The following CCDC170 variants were observed in gnomAD, a reference collection of about 807,000 sequenced individuals.
CCDC170 encodes the protein coiled-coil domain-containing protein 170.
CCDC170 carries 69 observed loss-of-function variants against 72.6 expected under a neutral mutation model. The observed-to-expected ratio is 0.95, with a 90% confidence interval of 0.78 to 1.16. CCDC170 has a LOEUF of 1.16. Among genes scored for constraint, CCDC170 ranks in the 50% most tolerant of loss-of-function variants. The pLI is 0.00. For synonymous variants in CCDC170, 300 were observed against 303.9 expected, an observed-to-expected ratio of 0.99 and a Z score of 0.13; for missense variants, 852 against 832.5, an observed-to-expected ratio of 1.02 and a Z score of -0.29.
At chr6:151,554,832 A>C (rs1043226639) in intron 5 of CCDC170, among the ~76,000 whole-genome samples, 3 of 145,530 alleles carry the variant, frequency 2.1e-5, no homozygotes, top group African/African-American at 7.7e-5. Context: ...TCATTCGGCT[A>C]TGTGATTGCA....
At position 151,544,653 on chromosome 6, in the gene CCDC170, G is replaced by A; in HGVS notation, c.525G>A (p.Leu175=). ...AACATGAGGAATTTCTGACTCAACT[G>A]CGTGACTGCTTGGATCCAGATGAGA... The part of the protein sequence containing the change: ...CRKHEEFLTQ[L]RDCLDPDERN... The change falls in exon 4 of 11, where the codon CTG becomes CTA. Residue 175 remains leucine, a synonymous_variant. Coordinates refer to ENST00000239374, the MANE Select transcript of CCDC170 (RefSeq NM_025059.4). 1 of 1,613,754 alleles carries A rather than the reference G, an allele frequency of 6.2e-7. No individual in the cohort carries two copies. Among genetic ancestry groups the A allele is most frequent in the Non-Finnish European group, 8.5e-7 (1 of 1,179,718 alleles).
intron 1 of CCDC170, among the ~76,000 whole-genome samples, chr6:151,506,408 A>T (rs1282564051): frequency 6.6e-6 from 1 of 152,230 alleles, no homozygotes; most frequent in African/African-American, 2.4e-5. Context: ...TTGAGTAGAG[A>T]TCAATGCCTG....
chr6:151,514,551 G>T (rs1304144742), intron 1 of CCDC170, among the ~76,000 whole-genome samples: 1 of 152,172 alleles, frequency 6.6e-6, no homozygotes, highest in East Asian at 1.9e-4. Flanking sequence ...AAGCTCTGTG[G>T]CATGCCGAGA....
intron 1 of CCDC170, among the ~76,000 whole-genome samples, chr6:151,512,879 G>A (rs140369062): frequency 2.6e-5 from 4 of 152,232 alleles, no homozygotes; most frequent in African/African-American, 9.6e-5. Context: ...CCTCTTAAAG[G>A]GCATATAGAA....
At chr6:151,593,382 G>A in intron 8 of CCDC170, 102 bp downstream of exon 8, 2 of 1,219,996 alleles carry the variant, frequency 1.6e-6, no homozygotes, top group Non-Finnish European at 1.1e-6. Flanking sequence ...GTGTAGCTAG[G>A]AAGGCTCTTA....
At chr6:151,520,101 G>T (rs895688112) in intron 1 of CCDC170, among the ~76,000 whole-genome samples, 22 of 152,226 alleles carry the variant, frequency 1.4e-4, no homozygotes, top group Non-Finnish European at 3.2e-4. Context: ...TGGTTCCAAT[G>T]CCTCTGACAC....
chr6:151,528,284 ATTGT>A (rs901045460), intron 1 of CCDC170, among the ~76,000 whole-genome samples: 41 of 152,296 alleles, frequency 2.7e-4, no homozygotes, highest in African/African-American at 9.9e-4. Flanking sequence ...TTAAGGGAAG[ATTGT>A]TTGATACAGG....
intron 5 of CCDC170, among the ~76,000 whole-genome samples, chr6:151,563,588 G>A (rs917997892): frequency 1.3e-5 from 2 of 152,086 alleles, no homozygotes; most frequent in African/African-American, 4.8e-5. Flanking sequence ...CCTGGGCAGG[G>A]CTGTTTCCCA....
intron 9 of CCDC170, among the ~76,000 whole-genome samples, chr6:151,610,112 G>A (rs1239844189): frequency 6.6e-6 from 1 of 152,172 alleles, no homozygotes; most frequent in Non-Finnish European, 1.5e-5. Context: ...CAGTGAGATA[G>A]TTTGTAAGTG....
In CCDC170 at chr6:151,536,870, G is replaced by A. The variant is rs546428513; in HGVS notation, c.186+424G>A. Among the ~76,000 whole-genome samples, 3 of 151,828 alleles carry A rather than the reference G, an allele frequency of 2.0e-5. No individual in the cohort carries two copies. In the East Asian group the frequency reaches 5.8e-4, roughly 29 times the overall value. Reference sequence around the variant, plus strand: ...GTGGGATATAGATTTAAGGCTTTTGGCAAAGTTGAAACTTGTTCTCTTGTG... The same window carrying A: ...GTGGGATATAGATTTAAGGCTTTTGACAAAGTTGAAACTTGTTCTCTTGTG... On this transcript the variant is annotated intron_variant, in intron 2 of 10. Coordinates refer to ENST00000239374, the MANE Select transcript of CCDC170 (RefSeq NM_025059.4).
intron 1 of CCDC170, among the ~76,000 whole-genome samples, chr6:151,533,309 C>A (rs529739567): frequency 5.1e-4 from 77 of 151,984 alleles, no homozygotes; most frequent in African/African-American, 1.6e-3. Flanking sequence ...CCGCCTTGGC[C>A]TCCCAAAGTG....
At chr6:151,499,928 G>A (rs1165981293) in intron 1 of CCDC170, among the ~76,000 whole-genome samples, 2 of 152,108 alleles carry the variant, frequency 1.3e-5, no homozygotes, top group Non-Finnish European at 2.9e-5. Context: ...ATATCTCTGT[G>A]AGACCCTGCT....
chr6:151,574,421 C>G (rs1337235089), intron 6 of CCDC170, among the ~76,000 whole-genome samples: 1 of 152,066 alleles, frequency 6.6e-6, no homozygotes, highest in Non-Finnish European at 1.5e-5. Flanking sequence ...GTTTTCTTAT[C>G]TACAGAAAGG....
In CCDC170 at chr6:151,573,361, G is replaced by A; in HGVS notation, c.962G>A (p.Ser321Asn). The part of the protein sequence containing the change: ...ASQDAVTTSQ[S>N]QYFSFREKIA... ...CAGGATGCAGTCACAACCTCACAAA[G>A]CCAGTACTTCTCATTTAGGGAGAAA... The change falls in exon 6 of 11, where the codon AGC (serine) becomes AAC (asparagine). Residue 321 changes from serine (S) to asparagine (N), a missense_variant. By Grantham distance (46) the Ser-to-Asn change is conservative. Transcript: ENST00000239374. 6.2e-7 allele frequency: 1 copy of A among 1,614,140 alleles called. No individual in the cohort carries two copies. Among genetic ancestry groups the A allele is most frequent in the Non-Finnish European group, 8.5e-7 (1 of 1,180,016 alleles).
intron 6 of CCDC170, among the ~76,000 whole-genome samples, chr6:151,580,486 GT>G (rs575387757): frequency 2.6e-5 from 4 of 152,078 alleles, no homozygotes; most frequent in African/African-American, 9.6e-5. Context: ...ATATTAGTAA[GT>G]TATACTTACT....
At chr6:151,575,525 C>CT (rs869185539) in intron 6 of CCDC170, among the ~76,000 whole-genome samples, 52,430 of 79,530 alleles carry the variant, frequency 0.66, 19,845 homozygotes, top group Non-Finnish European at 0.73. Context: ...TCTTTTCTTT[C>CT]TTTTTTTTTT....
intron 9 of CCDC170, among the ~76,000 whole-genome samples, chr6:151,600,328 C>G (rs532418239): frequency 2.6e-4 from 40 of 152,252 alleles, no homozygotes; most frequent in South Asian, 1.0e-3. Context: ...AATAGCTTTA[C>G]TGTATTAGTT....
In CCDC170 at chr6:151,602,731, C is replaced by T. The variant is rs368324744; in HGVS notation, c.1710+6154C>T. Among the ~76,000 whole-genome samples, 5 of 152,264 alleles carry T rather than the reference C, an allele frequency of 3.3e-5. No homozygotes were observed. The South Asian group carries it at 6.2e-4, about 19-fold the overall frequency. ...TGATTGTAAGTTTCCTGAGGTCTCC[C>T]CGGCGATGCAGAACTGTGAGTCAAT... On this transcript the variant is annotated intron_variant, in intron 9 of 10. Coordinates refer to ENST00000239374, the MANE Select transcript of CCDC170 (RefSeq NM_025059.4).
At chr6:151,577,554 T>C (rs188062700) in intron 6 of CCDC170, among the ~76,000 whole-genome samples, 36 of 152,358 alleles carry the variant, frequency 2.4e-4, no homozygotes, top group Middle Eastern at 6.8e-3. Flanking sequence ...TTTCCTGTTC[T>C]GCTTTAGGTA....
Sources: allele counts gnomAD v4.1 joint callset (sites outside exome capture counted in the v4.1 genomes callset), GRCh38; gene constraint gnomAD v4.1.1; transcripts MANE v1.5; gene names NCBI Gene and HGNC (gene_info 2026-07-23, HGNC 2026-07-21).